The following NAA15 variants were observed in gnomAD, a reference collection of about 807,000 sequenced individuals.
NAA15 encodes the protein N-alpha-acetyltransferase 15, NatA auxiliary subunit.
In NAA15, 34 loss-of-function variants were observed where a neutral mutation model predicts 114.0. That is an observed-to-expected ratio of 0.30 (90% CI 0.23 to 0.40). The LOEUF (loss-of-function observed/expected upper bound fraction) is 0.40, where lower values mean the gene tolerates loss of function less well. Ranked by LOEUF, NAA15 falls within the 10% of genes least tolerant of loss-of-function variation. The pLI is 1.00. For missense variants in NAA15, 658 were observed against 1,004.5 expected (o/e 0.66, Z 4.66); for synonymous variants, 340 against 338.0 (o/e 1.01, Z -0.06).
chr4:139,318,114 C>G (rs567218754), intron 1 of NAA15, among the ~76,000 whole-genome samples: 21 of 152,228 alleles, frequency 1.4e-4, no homozygotes, highest in African/African-American at 4.3e-4. Context: ...CCAAAACTTC[C>G]AAAGATAAAG....
rs1024794465 is a variant in NAA15 at position 139,388,978 on chromosome 4, A to G, written c.*894A>G. 6.6e-6 allele frequency: 1 copy of G among 152,586 alleles called. No homozygotes were observed. The highest frequency in any genetic ancestry group is 1.5e-5 in the Non-Finnish European group (1 of 68,034). 9.5% of individuals were successfully genotyped at this position (152,586 alleles called of 1,614,324 possible). On this transcript the variant is annotated 3_prime_UTR_variant, in exon 20 of 20. Coordinates refer to ENST00000296543, the MANE Select transcript of NAA15 (RefSeq NM_057175.5). ...AAGTTAAAGAGCAGAACTCCTGACT[A>G]CCATTCTATGACTGATCAAAAGACT...
intron 1 of NAA15, among the ~76,000 whole-genome samples, chr4:139,314,630 A>G (rs1242897738): frequency 2.0e-5 from 3 of 151,854 alleles, no homozygotes; most frequent in Non-Finnish European, 4.4e-5. Context: ...TGCCACTGCC[A>G]CTAAATGAAA....
At position 139,361,948 on chromosome 4, in the gene NAA15, CA is replaced by C. The variant is rs3217605; in HGVS notation, c.1753+12del. ...ACGAAGCTGATACAGGTATAATATT[CA>C]GAGTTCTTCTTGTGCTCTGATGTGT... On this transcript the variant is annotated intron_variant, in intron 14 of 19. Coordinates refer to ENST00000296543, the MANE Select transcript of NAA15 (RefSeq NM_057175.5). 302,574 of 1,586,200 alleles carry C rather than the reference CA, an allele frequency of 0.19. 32,593 individuals are homozygous for C. The highest frequency in any genetic ancestry group is 0.39 in the South Asian group (35,418 of 89,854).
chr4:139,315,223 A>G (rs1006242649), intron 1 of NAA15, among the ~76,000 whole-genome samples: 3 of 151,818 alleles, frequency 2.0e-5, no homozygotes. Context: ...GTGACATTTT[A>G]AAACCCAGGA....
chr4:139,370,348 G>C lies in NAA15; in HGVS notation c.1891G>C (p.Asp631His). ...AAATCAGAAAAAGAAGAAGGATGAT[G>C]ATGATGAGGAGATAGGAGGTCCAAA... ...QRNQKKKKDD[D>H]DEEIGGPKEE... is the part of the protein sequence containing the mutation. Residue 631 changes from aspartate to histidine, a missense_variant, in exon 15 of 20, where the codon GAT becomes CAT. By Grantham distance (81) the Asp-to-His change is moderately conservative (BLOSUM62 -1). Transcript: ENST00000296543. The C allele has an allele frequency of 6.3e-7, 1 of 1,593,320 alleles. No homozygotes were observed. The highest frequency in any genetic ancestry group is 8.5e-7 in the Non-Finnish European group (1 of 1,170,476).
intron 1 of NAA15, among the ~76,000 whole-genome samples, chr4:139,325,417 G>A (rs1746763899): frequency 6.6e-6 from 1 of 151,992 alleles, no homozygotes; most frequent in Non-Finnish European, 1.5e-5. Flanking sequence ...TGTAATCTGG[G>A]GTAAGTTACT....
chr4:139,345,619 GTC>G (rs1747553186), intron 6 of NAA15, among the ~76,000 whole-genome samples: 1 of 152,116 alleles, frequency 6.6e-6, no homozygotes, highest in Admixed American at 6.6e-5. Flanking sequence ...CAAACATCAA[GTC>G]TATTTAAAAG....
intron 2 of NAA15, among the ~76,000 whole-genome samples, chr4:139,335,377 G>C (rs1335099835): frequency 6.6e-6 from 1 of 151,906 alleles, no homozygotes; most frequent in Non-Finnish European, 1.5e-5. Flanking sequence ...TTTTCTTCTT[G>C]TTTTTTGAGA....
chr4:139,354,031 A>C lies in NAA15; in HGVS notation c.1020A>C (p.Ala340=). The C allele has an allele frequency of 6.2e-7, 1 of 1,612,954 alleles. No individual in the cohort carries two copies. Among genetic ancestry groups the C allele is most frequent in the African/African-American group, 1.3e-5 (1 of 75,024 alleles). The change falls in exon 10 of 20, where the codon GCA becomes GCC. Residue 340 remains alanine (A), a synonymous_variant. Transcript: ENST00000296543. ...RSLYKDKEKV[A]IIEELVVGYE... ...TTTGTGTGTTTGTACTCTAGGTGGC[A>C]ATCATAGAAGAGTTAGTAGTAGGTT...
At chr4:139,344,385 A>G (rs756626250) in intron 6 of NAA15, 46 bp downstream of exon 6, 3 of 1,500,278 alleles carry the variant, frequency 2.0e-6, no homozygotes, top group Middle Eastern at 4.2e-4. Flanking sequence ...GAAATATGAC[A>G]GAGCAAGGCT....
intron 9 of NAA15, 115 bp downstream of exon 9, chr4:139,351,726 T>A (rs924122975): frequency 9.2e-6 from 5 of 545,920 alleles, no homozygotes; most frequent in Middle Eastern, 3.9e-4. Context: ...CTCATGTCAG[T>A]CTTCCCAGTT....
intron 10 of NAA15, among the ~76,000 whole-genome samples, chr4:139,357,093 T>C (rs188768962): frequency 2.0e-5 from 3 of 152,058 alleles, no homozygotes; most frequent in East Asian, 3.9e-4. Context: ...ACAGCTTGTC[T>C]CCCCCCTACC....
intron 4 of NAA15, among the ~76,000 whole-genome samples, chr4:139,341,360 C>T (rs1339466809): frequency 6.6e-6 from 1 of 151,590 alleles, no homozygotes; most frequent in Non-Finnish European, 1.5e-5. Flanking sequence ...CTTTGGGAGG[C>T]CCAGGTGGGT....
At chr4:139,374,347 A>G (rs1748524559) in intron 15 of NAA15, among the ~76,000 whole-genome samples, 1 of 152,178 alleles carries the variant, frequency 6.6e-6, no homozygotes. Flanking sequence ...ACAAAGAATA[A>G]TATGCATAAT....
intron 6 of NAA15, among the ~76,000 whole-genome samples, chr4:139,345,947 G>A (rs1394753733): frequency 6.6e-6 from 1 of 152,064 alleles, no homozygotes; most frequent in African/African-American, 2.4e-5. Context: ...GGGAGTAGAG[G>A]AACTGAAGAT....
Position 139,360,508 on chromosome 4 carries a change from AT to A in NAA15, c.1420del (p.Ser474GlnfsTer3), listed in dbSNP as rs763172670. 1 of 1,588,032 alleles carries A rather than the reference AT, an allele frequency of 6.3e-7. No homozygotes were observed. The highest frequency in any genetic ancestry group is 1.8e-5 in the Admixed American group (1 of 55,010). ...MCSKFTREGT[S>X]AVENLNEMQC... Reference sequence around the variant, plus strand: ...ATTTGATTTCTGTATAGGAAGGAACATCAGCGGTAGAGAATTTGAATGAAAT... The same window carrying A: ...ATTTGATTTCTGTATAGGAAGGAACACAGCGGTAGAGAATTTGAATGAAAT... On this transcript the variant is annotated frameshift_variant, in exon 13 of 20. Coordinates refer to ENST00000296543, the MANE Select transcript of NAA15 (RefSeq NM_057175.5). LOFTEE classifies it high-confidence loss of function.
intron 6 of NAA15, 63 bp downstream of exon 6, chr4:139,344,402 T>A: frequency 1.5e-6 from 2 of 1,354,522 alleles, no homozygotes; most frequent in Non-Finnish European, 2.0e-6. Context: ...GGCTGAAAAA[T>A]CTAGTTGCTG....
At position 139,351,206 on chromosome 4, in the gene NAA15, G is replaced by A. The variant is rs377052939; in HGVS notation, c.827G>A (p.Arg276Gln). Residue 276 changes from arginine to glutamine, a missense_variant, in exon 8 of 20, where the codon CGG (arginine) becomes CAG (glutamine). Arg to Gln is a conservative substitution (Grantham distance 43). Coordinates refer to ENST00000296543, the MANE Select transcript of NAA15 (RefSeq NM_057175.5). ...TTGTTTGCAGCTAATATGTTAGAAC[G>A]GCTAAAAATTTATGAGGAAGCCTGG... ...KALKPANMLERLKIYEEAWTK... is the reference protein window; with the variant it reads ...KALKPANMLEQLKIYEEAWTK... 13 of 1,594,078 alleles carry A rather than the reference G, an allele frequency of 8.2e-6. No individual in the cohort carries two copies. Among genetic ancestry groups the A allele is most frequent in the African/African-American group, 2.7e-5 (2 of 74,536 alleles).
intron 17 of NAA15, among the ~76,000 whole-genome samples, chr4:139,381,771 T>A (rs1346960615): frequency 6.6e-6 from 1 of 152,150 alleles, no homozygotes; most frequent in East Asian, 1.9e-4. Context: ...AGCCACCTTT[T>A]CATTGTGTGT....
Sources: allele counts gnomAD v4.1 joint callset (sites outside exome capture counted in the v4.1 genomes callset), GRCh38; gene constraint gnomAD v4.1.1; transcripts MANE v1.5; gene names NCBI Gene and HGNC (gene_info 2026-07-23, HGNC 2026-07-21).